Variants in UNC5D observed in about 807,000 individuals in gnomAD.
The protein encoded by UNC5D is unc-5 netrin receptor D.
In UNC5D, 39 loss-of-function variants were observed where a neutral mutation model predicts 105.4. The ratio of observed to expected loss-of-function variants is 0.37; its 90% CI spans 0.29 to 0.48. The LOEUF is 0.48. Among genes scored for constraint, UNC5D ranks in the 20% least tolerant of loss-of-function variants. UNC5D has a pLI of 0.98. For missense variants in UNC5D, 991 were observed against 1,202.4 expected (o/e 0.82, Z 2.60); for synonymous variants, 452 against 450.4 (o/e 1.00, Z -0.04).
At chr8:35,340,633 T>C (rs1811393347) in intron 1 of UNC5D, among the ~76,000 whole-genome samples, 1 of 152,156 alleles carries the variant, frequency 6.6e-6, no homozygotes, top group African/African-American at 2.4e-5. Context: ...CTCTTTGCAA[T>C]TTATTTGGTC....
chr8:35,719,908 T>A (rs937845764), intron 8 of UNC5D, among the ~76,000 whole-genome samples: 1 of 152,188 alleles, frequency 6.6e-6, no homozygotes, highest in African/African-American at 2.4e-5. Flanking sequence ...TACTCATTTT[T>A]AAAATTTTAT....
intron 3 of UNC5D, among the ~76,000 whole-genome samples, chr8:35,572,596 G>A (rs373082837): frequency 5.3e-5 from 8 of 152,258 alleles, no homozygotes; most frequent in African/African-American, 1.7e-4. Context: ...CAGGCTTTCA[G>A]ATTGAGACTG....
intron 3 of UNC5D, among the ~76,000 whole-genome samples, chr8:35,577,290 C>T (rs1818159579): frequency 6.6e-6 from 1 of 152,096 alleles, no homozygotes; most frequent in Admixed American, 6.5e-5. Flanking sequence ...ATAACAAATT[C>T]CTAGATCATG....
At chr8:35,512,569 A>ATATATATATATATATATATATATATATC (rs539399345) in intron 1 of UNC5D, among the ~76,000 whole-genome samples, 2 of 64,822 alleles carry the variant, frequency 3.1e-5, no homozygotes, top group East Asian at 4.4e-4. Context: ...ATATATATAT[A>ATATATATATATATATATATATATATATC]TCTGAATAGA....
chr8:35,608,546 C>T (rs544508406), intron 4 of UNC5D, among the ~76,000 whole-genome samples: 41 of 152,136 alleles, frequency 2.7e-4, no homozygotes, highest in Non-Finnish European at 5.7e-4. Context: ...AATTTCTCAT[C>T]ATCCATCCCC....
intron 1 of UNC5D, among the ~76,000 whole-genome samples, chr8:35,385,084 CTT>C (rs1005719501): frequency 6.6e-6 from 1 of 152,198 alleles, no homozygotes; most frequent in Non-Finnish European, 1.5e-5. Context: ...TAACCTCACT[CTT>C]TCCTTAGTGA....
intron 1 of UNC5D, among the ~76,000 whole-genome samples, chr8:35,358,225 T>C (rs964225139): frequency 6.6e-6 from 1 of 152,146 alleles, no homozygotes; most frequent in Non-Finnish European, 1.5e-5. Context: ...CTGTTCACAA[T>C]AGCAAAGACA....
intron 1 of UNC5D, among the ~76,000 whole-genome samples, chr8:35,251,318 A>G (rs918993702): frequency 4.6e-5 from 7 of 152,192 alleles, no homozygotes; most frequent in Non-Finnish European, 8.8e-5. Flanking sequence ...AGTGCTGAGC[A>G]AAAGGGGGAA....
rs552650526 is a variant in UNC5D at position 35,686,958 on chromosome 8, T to C, written c.1084+249T>C. Among the ~76,000 whole-genome samples, 66 of 152,342 alleles carry C rather than the reference T, an allele frequency of 4.3e-4. 2 individuals are homozygous for C. In the South Asian group the frequency reaches 0.013, roughly 31 times the overall value. On this transcript the variant is annotated intron_variant, in intron 7 of 16. Coordinates refer to ENST00000404895, the MANE Select transcript of UNC5D (RefSeq NM_080872.4). ...TATACTTACTAATTTGATAACATTT[T>C]AAGAGTAAGAAAAAATAGTTAAGAA...
At chr8:35,511,140 C>G (rs1394557586) in intron 1 of UNC5D, among the ~76,000 whole-genome samples, 2 of 152,126 alleles carry the variant, frequency 1.3e-5, no homozygotes, top group Non-Finnish European at 2.9e-5. Flanking sequence ...AAGAGCAGTT[C>G]TTCTTTCACT....
chr8:35,561,947 G>C (rs7833005), intron 2 of UNC5D, among the ~76,000 whole-genome samples: 34,527 of 152,024 alleles, frequency 0.23, 6,056 homozygotes, highest in African/African-American at 0.48. Context: ...ACTAGTCACT[G>C]TACTGAACTG....
intron 1 of UNC5D, among the ~76,000 whole-genome samples, chr8:35,370,637 C>A (rs1802378183): frequency 6.6e-6 from 1 of 151,986 alleles, no homozygotes; most frequent in Non-Finnish European, 1.5e-5. Flanking sequence ...AAAAAAGGAA[C>A]CAAATAATGA....
At chr8:35,764,963 T>C (rs1801699253) in intron 14 of UNC5D, among the ~76,000 whole-genome samples, 1 of 152,248 alleles carries the variant, frequency 6.6e-6, no homozygotes, top group Non-Finnish European at 1.5e-5. Context: ...GGGATTTATG[T>C]GATTACAAAA....
At chr8:35,654,306 G>T (rs1823601847) in intron 4 of UNC5D, among the ~76,000 whole-genome samples, 1 of 152,128 alleles carries the variant, frequency 6.6e-6, no homozygotes, top group Non-Finnish European at 1.5e-5. Flanking sequence ...AAAGACGTTT[G>T]GTTTTCCCTG....
At chr8:35,468,565 G>T (rs1809478311) in intron 1 of UNC5D, among the ~76,000 whole-genome samples, 1 of 152,182 alleles carries the variant, frequency 6.6e-6, no homozygotes, top group Non-Finnish European at 1.5e-5. Context: ...TAGTGTTATT[G>T]TCTGTGTCCT....
intron 4 of UNC5D, among the ~76,000 whole-genome samples, chr8:35,612,009 T>A (rs1820717937): frequency 6.6e-6 from 1 of 152,236 alleles, no homozygotes; most frequent in African/African-American, 2.4e-5. Context: ...AGGTTATATT[T>A]GCCTTGGACA....
At chr8:35,716,397 G>A (rs954876948) in intron 8 of UNC5D, among the ~76,000 whole-genome samples, 2 of 152,210 alleles carry the variant, frequency 1.3e-5, no homozygotes, top group African/African-American at 4.8e-5. Context: ...TAGTCACACA[G>A]TGTGATCAGG....
chr8:35,521,650 A>G (rs1197383209), intron 1 of UNC5D, among the ~76,000 whole-genome samples: 2 of 152,152 alleles, frequency 1.3e-5, no homozygotes, highest in African/African-American at 4.8e-5. Context: ...GTTGATCCTA[A>G]TGCTGTAATT....
chr8:35,302,918 G>T (rs2128871896), intron 1 of UNC5D, among the ~76,000 whole-genome samples: 1 of 152,168 alleles, frequency 6.6e-6, no homozygotes, highest in South Asian at 2.1e-4. Flanking sequence ...TCAAACGTTT[G>T]GAGAAGCATT....
Sources: gnomAD v4.1 joint callset for allele counts (sites outside exome capture counted in the v4.1 genomes callset) on GRCh38, gnomAD v4.1.1 for gene constraint, MANE v1.5 for transcripts, NCBI Gene and HGNC (gene_info 2026-07-23, HGNC 2026-07-21) for gene names.